CPT2: variants seen among roughly 807,000 people sequenced by gnomAD.
The protein encoded by CPT2 is carnitine O-palmitoyltransferase 2, mitochondrial.
A neutral mutation model predicts 48.6 loss-of-function variants in CPT2; 37 were observed. The ratio of observed to expected loss-of-function variants is 0.76; its 90% confidence interval spans 0.59 to 1.00. The LOEUF (loss-of-function observed/expected upper bound fraction) is 1.00, where lower values mean the gene tolerates loss of function less well. CPT2 is among the 50% of genes least tolerant of loss of function. CPT2 has a pLI of 0.00. For missense variants in CPT2, 772 were observed against 825.6 expected (o/e 0.94, Z 0.80); for synonymous variants, 319 against 326.9 (o/e 0.98, Z 0.26).
In CPT2 at chr1:53,211,243, C is replaced by T. The variant is rs1276944199; in HGVS notation, c.1569C>T (p.His523=). 6.2e-7 allele frequency: 1 copy of T among 1,611,872 alleles called. No individual in the cohort carries two copies. Among genetic ancestry groups the T allele is most frequent in the Non-Finnish European group, 8.5e-7 (1 of 1,178,898 alleles). The part of the protein sequence containing the change: ...SEAFVREPSR[H]SAGELQQMMV... ...CCTTTGTCAGGGAGCCCTCCAGGCACAGTGCTGGTGAGCTTCAGCAGATGA... is the reference window on the plus strand; with the variant it reads ...CCTTTGTCAGGGAGCCCTCCAGGCATAGTGCTGGTGAGCTTCAGCAGATGA... Residue 523 remains histidine (H), a synonymous_variant, in exon 4 of 5, where the codon CAC becomes CAT. Coordinates refer to ENST00000371486, the MANE Select transcript of CPT2 (RefSeq NM_000098.3).
chr1:53,213,032 G>T (rs1645439556), intron 4 of CPT2, among the ~76,000 whole-genome samples: 1 of 152,126 alleles, frequency 6.6e-6, no homozygotes, highest in Admixed American at 6.5e-5. Context: ...TAGCTCAGCT[G>T]TTGACAGCTA....
intron 2 of CPT2, chr1:53,201,111 G>C (rs528833535): frequency 4.8e-6 from 2 of 413,262 alleles, no homozygotes; most frequent in African/African-American, 4.1e-5. Flanking sequence ...TGTACCCTTG[G>C]AAGGGAGGTC....
intron 3 of CPT2, chr1:53,204,277 AT>A (rs1366272903): frequency 6.6e-6 from 1 of 151,174 alleles, no homozygotes; most frequent in African/African-American, 2.4e-5. Flanking sequence ...TTTCTCTCAC[AT>A]TTTTCATCTC....
rs886046406 is a variant in CPT2 at position 53,196,843 on chromosome 1, C to A, written c.-101C>A. The A allele has an allele frequency of 2.4e-5, 34 of 1,441,386 alleles. No individual in the cohort carries two copies. The East Asian group carries it at 5.9e-4, about 25-fold the overall frequency. 89.3% of individuals were successfully genotyped at this position (1,441,386 alleles called of 1,614,324 possible). On this transcript the variant is annotated 5_prime_UTR_variant, in exon 1 of 5. Coordinates refer to ENST00000371486, the MANE Select transcript of CPT2 (RefSeq NM_000098.3). ...GCGGGCGGAGAAGTGCCTCAGGAGT[C>A]CTGACGCAGTGTCTTGGGCGCTAAC...
rs1321783611 is a variant in CPT2, at chr1:53,197,076, T to C, written c.133T>C (p.Tyr45His). ...LQRSIVPTMH[Y>H]QDSLPRLPIP... ...GCGCAGCATCGTGCCCACCATGCACTACCAGGACAGCCTGCCCAGGTGAGC... is the reference window on the plus strand; with the variant it reads ...GCGCAGCATCGTGCCCACCATGCACCACCAGGACAGCCTGCCCAGGTGAGC... Residue 45 changes from tyrosine (Y) to histidine (H), a missense_variant, in exon 1 of 5, where the codon TAC becomes CAC. Physicochemically the swap from Tyr to His is moderately conservative, Grantham distance 83. Transcript: ENST00000371486. 5.2e-6 allele frequency: 8 copies of C among 1,539,096 alleles called. No individual in the cohort carries two copies. Among genetic ancestry groups the C allele is most frequent in the Non-Finnish European group, 7.0e-6 (8 of 1,146,468 alleles).
In CPT2 at chr1:53,210,129, C is replaced by T. The variant is rs755331246; in HGVS notation, c.455C>T (p.Ala152Val). The T allele has an allele frequency of 6.2e-7, 1 of 1,614,186 alleles. No individual in the cohort carries two copies. The highest frequency in any genetic ancestry group is 8.5e-7 in the Non-Finnish European group (1 of 1,180,034). ...GAGTATAATGACCAGCTCACCCGGG[C>T]AACCAACATGACTGTTTCTGCCATC... is the stretch of plus-strand genomic sequence containing the variant. Reference protein sequence around the residue: ...KSEYNDQLTRATNMTVSAIRF... With the variant: ...KSEYNDQLTRVTNMTVSAIRF... The change falls in exon 4 of 5, where the codon GCA becomes GTA. Residue 152 changes from alanine (A) to valine (V), a missense_variant. By Grantham distance (64) the Ala-to-Val change is moderately conservative (BLOSUM62 0). Coordinates refer to ENST00000371486, the MANE Select transcript of CPT2 (RefSeq NM_000098.3).
At chr1:53,202,512 TCA>T in intron 3 of CPT2, 83 bp downstream of exon 3, 1 of 1,189,190 alleles carries the variant, frequency 8.4e-7, no homozygotes, top group South Asian at 1.2e-5. Flanking sequence ...TGTTTTGGTC[TCA>T]GAGATATTTT....
At chr1:53,200,474 A>G in intron 1 of CPT2, 1 of 418,364 alleles carries the variant, frequency 2.4e-6, no homozygotes. Context: ...TGAATCTATT[A>G]TTGTTATTTA....
At chr1:53,198,027 A>G (rs1645334446) in intron 1 of CPT2, among the ~76,000 whole-genome samples, 1 of 152,042 alleles carries the variant, frequency 6.6e-6, no homozygotes, top group African/African-American at 2.4e-5. Flanking sequence ...ACTTTCTTAA[A>G]TCCAGCTTCC....
intron 2 of CPT2, chr1:53,201,310 A>G: frequency 5.5e-6 from 1 of 180,542 alleles, no homozygotes; most frequent in Non-Finnish European, 1.2e-5. Context: ...TCCTTAATTA[A>G]ATATGACTGG....
In CPT2 at chr1:53,210,694, C is replaced by T. The variant is rs866307911; in HGVS notation, c.1020C>T (p.His340=). 1.9e-6 allele frequency: 3 copies of T among 1,614,184 alleles called. No homozygotes were observed. The highest frequency in any genetic ancestry group is 1.6e-4 in the Middle Eastern group (1 of 6,062). ...TTAAGGACCTTGTCCACTTGTCCCA[C>T]AATATGCTGCATGGGGATGGCACAA... The part of the protein sequence containing the change: ...FPIKDLVHLS[H]NMLHGDGTNR... The change falls in exon 4 of 5, where the codon CAC becomes CAT. Residue 340 remains histidine, a synonymous_variant. Coordinates refer to ENST00000371486, the MANE Select transcript of CPT2 (RefSeq NM_000098.3).
In CPT2 at chr1:53,210,142, T is replaced by C. The variant is rs138938770; in HGVS notation, c.468T>C (p.Thr156=). 3.7e-5 allele frequency: 60 copies of C among 1,614,026 alleles called. No individual in the cohort carries two copies. Among genetic ancestry groups the C allele is most frequent in the East Asian group, 6.7e-5 (3 of 44,886 alleles). The change falls in exon 4 of 5, where the codon ACT becomes ACC. Residue 156 remains threonine, a synonymous_variant. Transcript: ENST00000371486. The stretch of plus-strand genomic sequence containing the variant: ...AGCTCACCCGGGCAACCAACATGAC[T>C]GTTTCTGCCATCCGGTTTCTGAAGA... The part of the protein sequence containing the change: ...NDQLTRATNM[T]VSAIRFLKTL...
intron 3 of CPT2, among the ~76,000 whole-genome samples, chr1:53,207,016 T>C (rs1072706): frequency 0.26 from 39,620 of 152,044 alleles, 6,152 homozygotes; most frequent in East Asian, 0.46. Flanking sequence ...GGTGATTGGA[T>C]CATGGGGTAG....
Position 53,210,907 on chromosome 1 carries a change from G to A in CPT2, c.1233G>A (p.Thr411=), listed in dbSNP as rs112914907. 5.6e-6 allele frequency: 9 copies of A among 1,613,984 alleles called. No individual in the cohort carries two copies. Among genetic ancestry groups the A allele is most frequent in the Admixed American group, 3.3e-5 (2 of 59,990 alleles). The change falls in exon 4 of 5, where the codon ACG becomes ACA. Residue 411 remains threonine (T), a synonymous_variant. Coordinates refer to ENST00000371486, the MANE Select transcript of CPT2 (RefSeq NM_000098.3). ...SQPATTDSTV[T]VQKLNFELTD... ...CAGCTACCACTGACTCTACTGTCAC[G>A]GTGCAGAAACTCAACTTCGAGCTGA...
chr1:53,211,303 CAA>C lies in CPT2; in HGVS notation c.1631_1632del (p.Lys544ArgfsTer9). ...ECSKYHGQLT[K>X]EAAMGQGFDR... ...GCTCCAAGTACCATGGCCAGCTGAC[CAA>C]AGAAGCAGCAATGGGTGAGGCAGGG... On this transcript the variant is annotated frameshift_variant, in exon 4 of 5. Transcript: ENST00000371486. LOFTEE classifies it high-confidence loss of function. 1 of 1,606,788 alleles carries C rather than the reference CAA, an allele frequency of 6.2e-7. No individual in the cohort carries two copies. Among genetic ancestry groups the C allele is most frequent in the Non-Finnish European group, 8.5e-7 (1 of 1,176,672 alleles).
At position 53,197,123 on chromosome 1, in the gene CPT2, C is replaced by T. The variant is rs1217028914; in HGVS notation, c.152+28C>T. On this transcript the variant is annotated intron_variant, in intron 1 of 4. Transcript: ENST00000371486. ...GAGCCTGGCCTCCGGGTCCCCGCCG[C>T]CCGCCGCCGTCCCAGGATCGGCCCC... 3.3e-6 allele frequency: 5 copies of T among 1,536,420 alleles called. No individual in the cohort carries two copies. In the East Asian group the frequency reaches 1.2e-4, roughly 38 times the overall value.
At chr1:53,203,781 C>CTTTTTT (rs1553169188) in intron 3 of CPT2, 1 of 73,580 alleles carries the variant, frequency 1.4e-5, no homozygotes, top group Non-Finnish European at 4.3e-5. Context: ...TTTTCTTTTT[C>CTTTTTT]TTTTTTTTTT....
rs748117051 is a variant in CPT2, at chr1:53,210,407, G to A, written c.733G>A (p.Val245Ile). 1.1e-5 allele frequency: 17 copies of A among 1,614,018 alleles called. No homozygotes were observed. The highest frequency in any genetic ancestry group is 1.4e-5 in the Non-Finnish European group (16 of 1,180,056). ...FTDDKARHLL[V>I]LRKGNFYIFD... ...TGATGACAAGGCCAGACACCTCCTG[G>A]TCCTAAGGAAAGGAAATTTTTATAT... The change falls in exon 4 of 5, where the codon GTC becomes ATC. Residue 245 changes from valine (V) to isoleucine (I), a missense_variant. Val to Ile is a conservative substitution (Grantham distance 29). Transcript: ENST00000371486.
In CPT2 at chr1:53,200,647, T is replaced by C; in HGVS notation, c.153-72T>C. The C allele has an allele frequency of 2.6e-6, 3 of 1,143,234 alleles. No individual in the cohort carries two copies. The South Asian group carries it at 3.7e-5, about 14-fold the overall frequency. 70.8% of individuals were successfully genotyped at this position (1,143,234 alleles called of 1,614,324 possible). A position where few individuals can be genotyped will look rare whatever the true frequency, so the allele number is the denominator to read the frequency against. ...GGAAATTAATGATCTAGTAATCAGT[T>C]CATTAGCTTGTAAAGCTAATTAACC... On this transcript the variant is annotated intron_variant, in intron 1 of 4. Transcript: ENST00000371486.
Sources: gnomAD v4.1 joint callset for allele counts (sites outside exome capture counted in the v4.1 genomes callset) on GRCh38, gnomAD v4.1.1 for gene constraint, MANE v1.5 for transcripts, NCBI Gene and HGNC (gene_info 2026-07-23, HGNC 2026-07-21) for gene names.